The following MAN1C1 variants were observed in gnomAD, a reference collection of about 807,000 sequenced individuals.
MAN1C1 encodes the protein mannosidase alpha class 1C member 1.
A neutral mutation model predicts 71.5 loss-of-function variants in MAN1C1; 49 were observed. The ratio of observed to expected loss-of-function variants is 0.69; its 90% CI spans 0.54 to 0.87. The LOEUF (loss-of-function observed/expected upper bound fraction) is 0.87. Ranked by LOEUF, MAN1C1 falls within the 40% of genes least tolerant of loss-of-function variation. The pLI is 0.00. For missense variants in MAN1C1, 743 were observed against 835.0 expected, an observed-to-expected ratio of 0.89 and a Z score of 1.36; for synonymous variants, 352 against 343.7, an observed-to-expected ratio of 1.02 and a Z score of -0.27.
chr1:25,771,828 C>A (rs2047556264), intron 8 of MAN1C1, 56 bp downstream of exon 8: 15 of 1,441,550 alleles, frequency 1.0e-5, no homozygotes, highest in Non-Finnish European at 1.5e-5. Context: ...CCGGCTCTCT[C>A]ACGGCCGAGC....
chr1:25,719,427 A>G (rs1013602925), intron 2 of MAN1C1, among the ~76,000 whole-genome samples: 36 of 148,276 alleles, frequency 2.4e-4, no homozygotes, highest in Admixed American at 9.5e-4. Flanking sequence ...TTATTTATTT[A>G]TTTATTTATT....
At chr1:25,645,532 A>T (rs576308997) in intron 1 of MAN1C1, 1 of 152,288 alleles carries the variant, frequency 6.6e-6, no homozygotes, top group Non-Finnish European at 1.5e-5. Flanking sequence ...TCTCGAGGAA[A>T]GGAAGAAATT....
chr1:25,714,291 C>G (rs1160372320), intron 2 of MAN1C1, among the ~76,000 whole-genome samples: 1 of 152,094 alleles, frequency 6.6e-6, no homozygotes, highest in Non-Finnish European at 1.5e-5. Flanking sequence ...GGGTTTGAAG[C>G]ACAAACTAAT....
At chr1:25,731,323 A>G (rs1321375681) in intron 2 of MAN1C1, among the ~76,000 whole-genome samples, 2 of 147,108 alleles carry the variant, frequency 1.4e-5, no homozygotes, top group African/African-American at 5.4e-5. Context: ...AAATAACAAT[A>G]ATCATCATCA....
In MAN1C1 at chr1:25,746,568, C is replaced by T. The variant is rs2124337042; in HGVS notation, c.638-100C>T. 1 of 930,452 alleles carries T rather than the reference C, an allele frequency of 1.1e-6. No homozygotes were observed. Among genetic ancestry groups the T allele is most frequent in the Middle Eastern group, 2.1e-4 (1 of 4,774 alleles). The allele number at this position is 930,452 out of a possible 1,614,324, so 57.6% of individuals were successfully genotyped here. A position where few individuals can be genotyped will look rare whatever the true frequency, so the allele number is the denominator to read the frequency against. On this transcript the variant is annotated intron_variant, in intron 2 of 11. Transcript: ENST00000374332. This position sits in a 1 kb window ranked among gnomAD's most constrained non-coding sequence, Gnocchi z 4.0. ...CTGAGGCCAGCCTTTGCCACCAAGC[C>T]TGCGCTGGCATTGGAGGGGCCCTGA... is the stretch of plus-strand genomic sequence containing the variant.
At chr1:25,715,862 T>C (rs2046672879) in intron 2 of MAN1C1, among the ~76,000 whole-genome samples, 1 of 152,164 alleles carries the variant, frequency 6.6e-6, no homozygotes, top group African/African-American at 2.4e-5. Flanking sequence ...CTTAACCAAA[T>C]AGTTTATTTC....
At chr1:25,736,509 C>T (rs2046984746) in intron 2 of MAN1C1, among the ~76,000 whole-genome samples, 1 of 152,050 alleles carries the variant, frequency 6.6e-6, no homozygotes, top group South Asian at 2.1e-4. Context: ...AGGGAGACCT[C>T]ATTGTCCCAT....
At chr1:25,652,125 G>C (rs1449809645) in intron 1 of MAN1C1, among the ~76,000 whole-genome samples, 1 of 152,180 alleles carries the variant, frequency 6.6e-6, no homozygotes, top group African/African-American at 2.4e-5. Flanking sequence ...AAGGCCTCCA[G>C]GCACTTCCTG....
intron 1 of MAN1C1, among the ~76,000 whole-genome samples, chr1:25,666,904 C>T (rs1357117317): frequency 3.3e-5 from 5 of 152,166 alleles, no homozygotes; most frequent in Admixed American, 6.5e-5. Flanking sequence ...TGTCATGGGC[C>T]GTGGGTTCAT....
chr1:25,752,314 C>T (rs1253378847), intron 4 of MAN1C1, among the ~76,000 whole-genome samples: 1 of 152,162 alleles, frequency 6.6e-6, no homozygotes, highest in East Asian at 1.9e-4. Context: ...CCCACTGTCC[C>T]CGCTCCTCCA....
At position 25,665,207 on chromosome 1, in the gene MAN1C1, A is replaced by G. The variant is rs556639140; in HGVS notation, c.541-21233A>G. On this transcript the variant is annotated intron_variant, in intron 1 of 11. Coordinates refer to ENST00000374332, the MANE Select transcript of MAN1C1 (RefSeq NM_020379.4). ...GCTATTACTATGGAATGGACTATCA[A>G]TGTTACTCGTTTCTGCAATGTTGCC... Among the ~76,000 whole-genome samples, 12 of 152,276 alleles carry G rather than the reference A, an allele frequency of 7.9e-5. No individual in the cohort carries two copies. In the South Asian group the frequency reaches 1.2e-3, roughly 16 times the overall value.
Position 25,616,925 on chromosome 1 carries a change from G to C in MAN1C1, c.-873G>C, listed in dbSNP as rs886598399. Among the ~76,000 whole-genome samples the C allele has an allele frequency of 1.3e-5, 2 of 150,730 alleles. No homozygotes were observed. Among genetic ancestry groups the C allele is most frequent in the African/African-American group, 4.9e-5 (2 of 41,232 alleles). The stretch of plus-strand genomic sequence containing the variant: ...GCTGCGAGGAAGACAGCTGCAGCGG[G>C]GGAGGCGCGGCCAGGGCTGCGCGCT... On this transcript the variant is annotated 5_prime_UTR_variant, in exon 1 of 12. Transcript: ENST00000374332. The surrounding 1 kb of genome is among the most constrained non-coding windows in gnomAD (Gnocchi z 5.6).
rs1400339940 is a variant in MAN1C1 at position 25,775,263 on chromosome 1, C to T, written c.1258-2842C>T. 6.6e-6 allele frequency among the ~76,000 whole-genome samples: 1 copy of T among 152,246 alleles called. No homozygotes were observed. The highest frequency in any genetic ancestry group is 6.5e-5 in the Admixed American group (1 of 15,292). Reference sequence around the variant, plus strand: ...GACATGGCTCTGCCCGGGAGCCAGGCCGGGCCCAGAGCAGACCCCTGCCTG... The same window carrying T: ...GACATGGCTCTGCCCGGGAGCCAGGTCGGGCCCAGAGCAGACCCCTGCCTG... On this transcript the variant is annotated intron_variant, in intron 8 of 11. Transcript: ENST00000374332. This position sits in a 1 kb window ranked among gnomAD's most constrained non-coding sequence, Gnocchi z 5.1.
chr1:25,656,095 C>CTTTTTTTTTTGTTTTTT (rs2045761460), intron 1 of MAN1C1, among the ~76,000 whole-genome samples: 1 of 74,988 alleles, frequency 1.3e-5, no homozygotes, highest in Admixed American at 1.8e-4. Context: ...GATTATCAGT[C>CTTTTTTTTTTGTTTTTT]TTTTTTTTTT....
Position 25,782,106 on chromosome 1 carries a change from A to G in MAN1C1, c.1651-479A>G, listed in dbSNP as rs2047703910. 2.6e-5 allele frequency among the ~76,000 whole-genome samples: 4 copies of G among 151,298 alleles called. No individual in the cohort carries two copies. Among genetic ancestry groups the G allele is most frequent in the African/African-American group, 9.7e-5 (4 of 41,158 alleles). On this transcript the variant is annotated intron_variant, in intron 10 of 11. Coordinates refer to ENST00000374332, the MANE Select transcript of MAN1C1 (RefSeq NM_020379.4). This position sits in a 1 kb window ranked among gnomAD's most constrained non-coding sequence, Gnocchi z 4.4. ...TCTCAAGAAAAAAAAATGCATTTAT[A>G]TAGAAAGATGAATGGCTTGGCTCAC...
intron 1 of MAN1C1, among the ~76,000 whole-genome samples, chr1:25,669,810 A>G (rs2045971170): frequency 6.6e-6 from 1 of 152,096 alleles, no homozygotes; most frequent in African/African-American, 2.4e-5. Flanking sequence ...ACAAATAAAT[A>G]CTGGCTTATT....
intron 2 of MAN1C1, among the ~76,000 whole-genome samples, chr1:25,745,717 C>A (rs192751809): frequency 1.1e-4 from 17 of 152,300 alleles, no homozygotes; most frequent in African/African-American, 4.1e-4. Flanking sequence ...GGGCCAGGTG[C>A]AGTGGCTCAC....
chr1:25,694,219 G>A (rs2046342339), intron 2 of MAN1C1, among the ~76,000 whole-genome samples: 1 of 152,136 alleles, frequency 6.6e-6, no homozygotes, highest in Admixed American at 6.5e-5. Flanking sequence ...TCGTCACAGA[G>A]TACACTCCGA....
At chr1:25,738,298 C>T (rs1332474248) in intron 2 of MAN1C1, among the ~76,000 whole-genome samples, 1 of 152,150 alleles carries the variant, frequency 6.6e-6, no homozygotes, top group East Asian at 1.9e-4. Flanking sequence ...GAGAAACAGA[C>T]CAGATAGAAA....
Sources: allele counts gnomAD v4.1 joint callset (sites outside exome capture counted in the v4.1 genomes callset), GRCh38; gene constraint gnomAD v4.1.1; non-coding constraint Gnocchi (gnomAD v3.1); transcripts MANE v1.5; gene names NCBI Gene and HGNC (gene_info 2026-07-23, HGNC 2026-07-21).